Variants in FANCL observed in about 807,000 individuals in gnomAD.
FANCL encodes FA complementation group L.
In FANCL, 69 loss-of-function variants were observed where a neutral mutation model predicts 59.4. That is an observed-to-expected ratio of 1.16 (90% CI 0.96 to 1.42). The LOEUF (loss-of-function observed/expected upper bound fraction) is 1.42. Among genes scored for constraint, FANCL ranks in the 40% most tolerant of loss-of-function variants. The pLI, the probability that FANCL is intolerant of heterozygous loss-of-function variation, is 0.00. For synonymous variants in FANCL, 180 were observed against 147.1 expected, an observed-to-expected ratio of 1.22 and a Z score of -1.62; for missense variants, 519 against 447.2, an observed-to-expected ratio of 1.16 and a Z score of -1.45.
chr2:58,199,028 C>G (rs1018513205), intron 6 of FANCL, among the ~76,000 whole-genome samples: 4 of 61,192 alleles, frequency 6.5e-5, no homozygotes, highest in African/African-American at 2.2e-4. Flanking sequence ...ATCTCCATCT[C>G]AAAAAAAAAA....
At chr2:58,211,844 T>G (rs1029294597) in intron 5 of FANCL, among the ~76,000 whole-genome samples, 2 of 152,346 alleles carry the variant, frequency 1.3e-5, no homozygotes, top group African/African-American at 4.8e-5. Flanking sequence ...CACCTCCATC[T>G]GAGACCACCT....
chr2:58,227,626 T>C (rs997259338), intron 3 of FANCL, among the ~76,000 whole-genome samples: 4 of 152,198 alleles, frequency 2.6e-5, no homozygotes, highest in African/African-American at 9.7e-5. Flanking sequence ...CACTTGTGTG[T>C]TCCTCCACCG....
rs374195602 is a variant in FANCL, at chr2:58,165,794, G to A, written c.621C>T (p.Ile207=). 23 of 1,613,866 alleles carry A rather than the reference G, an allele frequency of 1.4e-5. No individual in the cohort carries two copies. In the East Asian group the frequency reaches 2.5e-4, roughly 17 times the overall value. The change falls in exon 8 of 14, where the codon ATC becomes ATT. Residue 207 remains isoleucine, a synonymous_variant. Coordinates refer to ENST00000233741, the MANE Select transcript of FANCL (RefSeq NM_018062.4). The stretch of plus-strand genomic sequence containing the variant: ...GCTCAAGTACCCAGGTCTTCTCATC[G>A]ATTTCATCCATAACATCCCAGAATG... ...LKAFWDVMDE[I]DEKTWVLEPE... is the part of the protein sequence containing the mutation.
rs529201454 is a variant in FANCL at position 58,161,609 on chromosome 2, A to AT, written c.932dup (p.Tyr311Ter). The change falls in exon 12 of 14, where the codon TAT becomes TAAT. Residue 311 changes from tyrosine (Y) to a stop codon, truncating the protein, a stop_gained and frameshift_variant. Transcript: ENST00000233741. LOFTEE classifies it high-confidence loss of function. The part of the protein sequence containing the change: ...SDFTMDCGIC[Y>*]AYQLDGTIPD... ...GAATGGTACCGTCAAGTTGATAAGC[A>AT]TAACAAATTCCACAATCCATAGTAA... 3 of 1,611,482 alleles carry AT rather than the reference A, an allele frequency of 1.9e-6. No individual in the cohort carries two copies. The highest frequency in any genetic ancestry group is 2.5e-6 in the Non-Finnish European group (3 of 1,177,948).
At chr2:58,189,566 C>T (rs1688726046) in intron 7 of FANCL, among the ~76,000 whole-genome samples, 1 of 151,996 alleles carries the variant, frequency 6.6e-6, no homozygotes, top group Non-Finnish European at 1.5e-5. Context: ...TTAGCTATTT[C>T]CCCATAACTG....
intron 4 of FANCL, 143 bp from the exon 5 acceptor site, chr2:58,222,185 C>G: frequency 1.6e-6 from 1 of 608,142 alleles, no homozygotes; most frequent in Non-Finnish European, 3.0e-6. Context: ...CTGACTCATT[C>G]CCCTGCTCAT....
At chr2:58,217,735 C>A (rs1190663078) in intron 5 of FANCL, among the ~76,000 whole-genome samples, 4 of 151,176 alleles carry the variant, frequency 2.6e-5, no homozygotes, top group Non-Finnish European at 4.4e-5. Flanking sequence ...CAAAAATTCA[C>A]AATCATATTG....
Position 58,165,755 on chromosome 2 carries a change from TGGA to T in FANCL, c.657_659del (p.Pro220del), listed in dbSNP as rs1685873407. The T allele has an allele frequency of 3.7e-6, 6 of 1,614,106 alleles. No individual in the cohort carries two copies. Among genetic ancestry groups the T allele is most frequent in the Non-Finnish European group, 5.1e-6 (6 of 1,179,970 alleles). On this transcript the variant is annotated inframe_deletion, in exon 8 of 14. Transcript: ENST00000233741. ...CAATTCTGCGTGCTGTTGCACTCCG[TGGA>T]GGTTTTTCTGGCTCAAGTACCCAGG...
intron 7 of FANCL, among the ~76,000 whole-genome samples, chr2:58,169,877 A>G (rs1686378058): frequency 6.6e-6 from 1 of 152,138 alleles, no homozygotes; most frequent in African/African-American, 2.4e-5. Context: ...AGGAATGAAC[A>G]AAGCCTCCAA....
At chr2:58,204,727 G>A (rs952963006) in intron 5 of FANCL, among the ~76,000 whole-genome samples, 4 of 151,900 alleles carry the variant, frequency 2.6e-5, no homozygotes, top group Admixed American at 6.6e-5. Context: ...GATCCTCTAA[G>A]GAAAATGCTG....
chr2:58,176,340 G>A (rs1455933080), intron 7 of FANCL, among the ~76,000 whole-genome samples: 1 of 151,940 alleles, frequency 6.6e-6, no homozygotes, highest in Admixed American at 6.5e-5. Context: ...TAAGCCAAAA[G>A]AACAAAGCTG....
At chr2:58,238,355 C>A (rs1006421080) in intron 1 of FANCL, among the ~76,000 whole-genome samples, 2 of 152,154 alleles carry the variant, frequency 1.3e-5, no homozygotes, top group African/African-American at 4.8e-5. Context: ...AAGTTGTTCG[C>A]AAATTTCAAA....
intron 7 of FANCL, among the ~76,000 whole-genome samples, chr2:58,168,465 T>A (rs370192898): frequency 6.6e-6 from 1 of 152,094 alleles, no homozygotes; most frequent in South Asian, 2.1e-4. Flanking sequence ...ATCAGGAGAT[T>A]CCCTCTGGTG....
Position 58,241,245 on chromosome 2 carries a change from G to C in FANCL, c.69C>G (p.Thr23=), listed in dbSNP as rs2104080806. 1.2e-6 allele frequency: 2 copies of C among 1,614,248 alleles called. No individual in the cohort carries two copies. Among genetic ancestry groups the C allele is most frequent in the Non-Finnish European group, 1.7e-6 (2 of 1,180,038 alleles). ...GAGCCGAGATGAATCCCTCATACACGGTTTTCGACCGGTTCTGGGGCAGAA... is the reference window on the plus strand; with the variant it reads ...GAGCCGAGATGAATCCCTCATACACCGTTTTCGACCGGTTCTGGGGCAGAA... ...PLLLPQNRSK[T]VYEGFISAQG... The change falls in exon 1 of 14, where the codon ACC becomes ACG. Residue 23 remains threonine, a synonymous_variant. Transcript: ENST00000233741.
intron 8 of FANCL, 68 bp from the exon 9 acceptor site, chr2:58,163,585 A>G: frequency 1.0e-6 from 1 of 997,480 alleles, no homozygotes; most frequent in Non-Finnish European, 1.6e-6. Context: ...TAAAAAATAA[A>G]GAGGTGTTGG....
Position 58,159,524 on chromosome 2 carries a change from ACACT to A in FANCL, c.*237_*240del. 2 of 1,613,818 alleles carry A rather than the reference ACACT, an allele frequency of 1.2e-6. No homozygotes were observed. On this transcript the variant is annotated 3_prime_UTR_variant, in exon 14 of 14. Transcript: ENST00000233741. ...TCAAGATCTCCATCTTGGTATAAATACACTTCCACAGTCAGCACGGGGATCACAG... is the reference window on the plus strand; with the variant it reads ...TCAAGATCTCCATCTTGGTATAAATATCCACAGTCAGCACGGGGATCACAG...
At chr2:58,173,727 A>G (rs1287786061) in intron 7 of FANCL, among the ~76,000 whole-genome samples, 1 of 152,202 alleles carries the variant, frequency 6.6e-6, no homozygotes, top group Non-Finnish European at 1.5e-5. Context: ...AACTGCATCA[A>G]CTAACAAGCA....
chr2:58,230,021 A>G, intron 2 of FANCL, 147 bp from the exon 3 acceptor site: 1 of 639,582 alleles, frequency 1.6e-6, no homozygotes, highest in South Asian at 1.9e-5. Context: ...GATACTGTTC[A>G]AAGTCTTGTC....
intron 7 of FANCL, among the ~76,000 whole-genome samples, chr2:58,183,251 G>A (rs979107091): frequency 9.9e-5 from 15 of 151,510 alleles, no homozygotes; most frequent in South Asian, 2.1e-4. Context: ...GTATATACAC[G>A]ATCAAATAAA....
Sources: gnomAD v4.1 joint callset for allele counts (sites outside exome capture counted in the v4.1 genomes callset) on GRCh38, gnomAD v4.1.1 for gene constraint, MANE v1.5 for transcripts, NCBI Gene and HGNC (gene_info 2026-07-23, HGNC 2026-07-21) for gene names.